Variants in SLC35A1 observed in about 807,000 individuals in gnomAD.
SLC35A1 encodes the protein CMP-sialic acid transporter.
SLC35A1 carries 21 observed loss-of-function variants against 40.3 expected under a neutral mutation model. That is an observed-to-expected ratio of 0.52 (90% confidence interval 0.37 to 0.75). The LOEUF (loss-of-function observed/expected upper bound fraction) is 0.75. Ranked by LOEUF, SLC35A1 falls within the 30% of genes least tolerant of loss-of-function variation. SLC35A1 has a pLI of 0.00. For missense variants in SLC35A1, 297 were observed against 382.1 expected, an observed-to-expected ratio of 0.78 and a Z score of 1.86; for synonymous variants, 146 against 147.3, an observed-to-expected ratio of 0.99 and a Z score of 0.06.
At chr6:87,507,820 C>G (rs1470221269) in intron 5 of SLC35A1, among the ~76,000 whole-genome samples, 2 of 111,472 alleles carry the variant, frequency 1.8e-5, no homozygotes, top group African/African-American at 5.2e-5. Context: ...CAGAAAAATG[C>G]ACATATACAC....
At chr6:87,483,540 G>A (rs1056069126) in intron 2 of SLC35A1, among the ~76,000 whole-genome samples, 2 of 152,132 alleles carry the variant, frequency 1.3e-5, no homozygotes, top group African/African-American at 4.8e-5. Context: ...AGTTCTTTGA[G>A]GTTCAGCCCC....
intron 5 of SLC35A1, chr6:87,506,896 G>GT (rs1389680463): frequency 5.2e-6 from 1 of 193,074 alleles, no homozygotes; most frequent in Non-Finnish European, 1.1e-5. Flanking sequence ...GAGCTATGGA[G>GT]TAGGATCATG....
chr6:87,487,524 G>A (rs1769422939), intron 2 of SLC35A1, among the ~76,000 whole-genome samples: 1 of 152,136 alleles, frequency 6.6e-6, no homozygotes, highest in South Asian at 2.1e-4. Flanking sequence ...TTTATTTAAT[G>A]TACATTATTG....
chr6:87,507,613 C>T (rs1014734620), intron 5 of SLC35A1, among the ~76,000 whole-genome samples: 2 of 152,036 alleles, frequency 1.3e-5, no homozygotes, highest in African/African-American at 4.8e-5. Context: ...TCTTGTTTTT[C>T]GTTAGACTTT....
chr6:87,475,385 T>C (rs1769038858), intron 1 of SLC35A1, among the ~76,000 whole-genome samples: 1 of 152,180 alleles, frequency 6.6e-6, no homozygotes, highest in African/African-American at 2.4e-5. Flanking sequence ...TGATTAAAGG[T>C]TATTGCTGTA....
At chr6:87,496,827 C>A (rs6928057) in intron 2 of SLC35A1, among the ~76,000 whole-genome samples, 56,703 of 147,282 alleles carry the variant, frequency 0.38, 11,158 homozygotes, top group Admixed American at 0.46. Context: ...ATATAAGTTC[C>A]GGAAAATGGA....
chr6:87,509,313 C>T (rs1012986721), intron 7 of SLC35A1, 138 bp downstream of exon 7: 56 of 1,086,292 alleles, frequency 5.2e-5, no homozygotes, highest in African/African-American at 2.2e-4. Context: ...GTTTATTCCA[C>T]CAGTACAGCT....
Position 87,477,497 on chromosome 6 carries a change from C to T in SLC35A1, c.152C>T (p.Thr51Ile), listed in dbSNP as rs1201878344. The change falls in exon 2 of 8, where the codon ACA (threonine) becomes ATA (isoleucine). Residue 51 changes from threonine to isoleucine, a missense_variant. Thr to Ile is a moderately conservative substitution (Grantham distance 89, BLOSUM62 -1). Coordinates refer to ENST00000369552, the MANE Select transcript of SLC35A1 (RefSeq NM_006416.5). ...LYFSTTAVCI[T>I]EVIKLLLSVG... ...TTTTCAACCACAGCCGTGTGTATCA[C>T]AGAAGTTATAAAGTTATTGCTAAGT... 6 of 1,614,010 alleles carry T rather than the reference C, an allele frequency of 3.7e-6. No individual in the cohort carries two copies. Among genetic ancestry groups the T allele is most frequent in the Non-Finnish European group, 5.1e-6 (6 of 1,179,946 alleles).
In SLC35A1 at chr6:87,499,372, C is replaced by T. The variant is rs188439819; in HGVS notation, c.195-1136C>T. The stretch of plus-strand genomic sequence containing the variant: ...AGTATTATGGTTTTCTTAAGGATAT[C>T]GTGAGCTGCAGTTAGGACCATTATT... On this transcript the variant is annotated intron_variant, in intron 2 of 7. Transcript: ENST00000369552. 8.5e-5 allele frequency among the ~76,000 whole-genome samples: 13 copies of T among 152,262 alleles called. 1 individual carries two copies. Among genetic ancestry groups the T allele is most frequent in the Admixed American group, 3.9e-4 (6 of 15,264 alleles).
chr6:87,510,005 T>TA (rs1221713801), intron 7 of SLC35A1, among the ~76,000 whole-genome samples: 2 of 152,248 alleles, frequency 1.3e-5, no homozygotes, highest in African/African-American at 4.8e-5. Context: ...TAAATGGAAA[T>TA]AGTGTTGTAG....
intron 4 of SLC35A1, among the ~76,000 whole-genome samples, chr6:87,501,734 TTCA>T (rs770218828): frequency 2.6e-5 from 4 of 152,222 alleles, no homozygotes; most frequent in Non-Finnish European, 5.9e-5. Context: ...GCATCTAGTT[TTCA>T]TCTTCTCTCT....
intron 3 of SLC35A1, 101 bp from the exon 4 acceptor site, chr6:87,501,057 A>G: frequency 1.6e-6 from 2 of 1,221,282 alleles, no homozygotes; most frequent in African/African-American, 1.5e-5. Context: ...GCCATTATCA[A>G]ATATTTTTTA....
intron 7 of SLC35A1, among the ~76,000 whole-genome samples, chr6:87,509,988 CT>C (rs1364086139): frequency 1.3e-5 from 2 of 152,092 alleles, no homozygotes; most frequent in Admixed American, 1.3e-4. Context: ...AAATTGACTC[CT>C]GTATATAAAT....
intron 2 of SLC35A1, among the ~76,000 whole-genome samples, chr6:87,479,643 TATC>T (rs1191386625): frequency 9.8e-5 from 15 of 152,366 alleles, no homozygotes; most frequent in Admixed American, 6.5e-4. Flanking sequence ...TTTCTGCTAA[TATC>T]ATGTCTAAGG....
chr6:87,492,230 C>T (rs1007931502), intron 2 of SLC35A1, among the ~76,000 whole-genome samples: 1 of 152,046 alleles, frequency 6.6e-6, no homozygotes, highest in Admixed American at 6.6e-5. Flanking sequence ...TTCCAATTGC[C>T]CTCCAATGTC....
chr6:87,499,274 A>G (rs1769839225), intron 2 of SLC35A1: 1 of 199,598 alleles, frequency 5.0e-6, no homozygotes, highest in Non-Finnish European at 9.0e-6. Context: ...TGATTCTAAT[A>G]TATTAACCAA....
chr6:87,478,432 A>T (rs1203340173), intron 2 of SLC35A1, among the ~76,000 whole-genome samples: 3 of 152,208 alleles, frequency 2.0e-5, no homozygotes, highest in Admixed American at 2.0e-4. Context: ...TATAGGAGTC[A>T]TTGGGGCAGT....
At chr6:87,474,233 G>A (rs970414311) in intron 1 of SLC35A1, among the ~76,000 whole-genome samples, 16 of 152,204 alleles carry the variant, frequency 1.1e-4, no homozygotes, top group Admixed American at 1.3e-4. Flanking sequence ...CATATTTGTT[G>A]AGCCTTGATT....
chr6:87,496,222 A>G (rs1480160878), intron 2 of SLC35A1: 1 of 152,182 alleles, frequency 6.6e-6, no homozygotes, highest in Non-Finnish European at 1.5e-5. Flanking sequence ...GAGAGGCAGC[A>G]GCAGAATCTC....
Sources: allele counts gnomAD v4.1 joint callset (sites outside exome capture counted in the v4.1 genomes callset), GRCh38; gene constraint gnomAD v4.1.1; transcripts MANE v1.5; gene names NCBI Gene and HGNC (gene_info 2026-07-23, HGNC 2026-07-21).